Variants in NAA11 observed in about 807,000 individuals in gnomAD.
NAA11 encodes N-alpha-acetyltransferase 11.
NAA11 carries 15 observed loss-of-function variants against 16.1 expected under a neutral mutation model. That is an observed-to-expected ratio of 0.93 (90% CI 0.62 to 1.44). NAA11 has a LOEUF of 1.44. Among genes scored for constraint, NAA11 ranks in the 40% most tolerant of loss-of-function variants. NAA11 has a pLI of 0.00. For missense variants in NAA11, 298 were observed against 291.3 expected (o/e 1.02, Z -0.17); for synonymous variants, 122 against 112.4 (o/e 1.09, Z -0.54).
chr4:79,205,354 T>G, the NAA11 span, among the ~76,000 whole-genome samples: 1 of 152,004 alleles, frequency 6.6e-6, no homozygotes, highest in African/African-American at 2.4e-5. Context: ...ATTTCCTGGA[T>G]GATTCATGAT....
chr4:79,228,530 C>T (rs958003853), intron 2 of NAA11, among the ~76,000 whole-genome samples: 1 of 151,860 alleles, frequency 6.6e-6, no homozygotes, highest in African/African-American at 2.4e-5. Flanking sequence ...AACATTTTGC[C>T]TTTTCCAAAA....
intron 1 of NAA11, among the ~76,000 whole-genome samples, chr4:79,304,099 A>C (rs2110005087): frequency 6.6e-6 from 1 of 152,204 alleles, no homozygotes; most frequent in Non-Finnish European, 1.5e-5. Flanking sequence ...TTGTTAACAT[A>C]TTTGGACTAA....
chr4:79,264,075 T>G (rs1722293710), intron 2 of NAA11, among the ~76,000 whole-genome samples: 1 of 152,154 alleles, frequency 6.6e-6, no homozygotes, highest in African/African-American at 2.4e-5. Context: ...ACTTTGCATG[T>G]ATTGTCTCTT....
At chr4:79,241,629 G>A (rs1265567831) in intron 2 of NAA11, among the ~76,000 whole-genome samples, 1 of 152,194 alleles carries the variant, frequency 6.6e-6, no homozygotes, top group Non-Finnish European at 1.5e-5. Context: ...GTCTGTAAGT[G>A]ACAGCATATT....
the NAA11 span, among the ~76,000 whole-genome samples, chr4:79,190,065 CAAAA>C: frequency 2.0e-5 from 3 of 152,122 alleles, no homozygotes; most frequent in East Asian, 3.9e-4. Flanking sequence ...ACAGCAGAAA[CAAAA>C]AACCCGCACA....
the NAA11 span, among the ~76,000 whole-genome samples, chr4:79,163,044 A>G: frequency 1.3e-5 from 2 of 152,252 alleles, no homozygotes; most frequent in African/African-American, 2.4e-5. Flanking sequence ...TGCAGCTAAT[A>G]TAAGTGGTAA....
intron 2 of NAA11, chr4:79,245,539 T>C (rs1410324065): frequency 9.6e-6 from 1 of 104,358 alleles, no homozygotes; most frequent in Non-Finnish European, 1.9e-5. Flanking sequence ...GTGAGGAGCG[T>C]CTCTACCCGG....
intron 2 of NAA11, among the ~76,000 whole-genome samples, chr4:79,240,187 TTG>T (rs1721660659): frequency 1.3e-5 from 2 of 152,196 alleles, no homozygotes; most frequent in South Asian, 4.1e-4. Flanking sequence ...CCATGTATAA[TTG>T]TGTGTGATCA....
intron 2 of NAA11, among the ~76,000 whole-genome samples, chr4:79,278,113 T>C (rs1722704232): frequency 6.6e-6 from 1 of 152,066 alleles, no homozygotes; most frequent in South Asian, 2.1e-4. Context: ...CCCCATTCAA[T>C]TAGCCAGTCC....
chr4:79,288,598 A>G (rs1723004418), intron 2 of NAA11, among the ~76,000 whole-genome samples: 1 of 152,188 alleles, frequency 6.6e-6, no homozygotes, highest in Non-Finnish European at 1.5e-5. Context: ...TTTTAGAGAA[A>G]ATATGAATAA....
At chr4:79,295,256 T>G (rs1299643275) in intron 1 of NAA11, among the ~76,000 whole-genome samples, 2 of 152,200 alleles carry the variant, frequency 1.3e-5, no homozygotes, top group Non-Finnish European at 2.9e-5. Flanking sequence ...GGCTGCATGC[T>G]TTGCCTTTCA....
chr4:79,157,124 G>T, the NAA11 span, among the ~76,000 whole-genome samples: 4 of 151,872 alleles, frequency 2.6e-5, no homozygotes, highest in Admixed American at 6.6e-5. Context: ...ATTTCCATAG[G>T]TTTTTGGGGA....
At chr4:79,252,804 A>G (rs1722025377) in intron 2 of NAA11, among the ~76,000 whole-genome samples, 1 of 152,236 alleles carries the variant, frequency 6.6e-6, no homozygotes, top group Non-Finnish European at 1.5e-5. Flanking sequence ...CATATCACAC[A>G]GGTCCCTGAG....
chr4:79,252,245 A>G (rs1379063864), intron 2 of NAA11, among the ~76,000 whole-genome samples: 1 of 152,278 alleles, frequency 6.6e-6, no homozygotes, highest in East Asian at 1.9e-4. Context: ...GATGGATACT[A>G]CTACAGTGAT....
chr4:79,193,232 G>A, the NAA11 span, among the ~76,000 whole-genome samples: 2 of 152,164 alleles, frequency 1.3e-5, no homozygotes, highest in Non-Finnish European at 2.9e-5. Context: ...AGTTTAATGA[G>A]ATCCCTTTTG....
At chr4:79,176,908 T>C in the NAA11 span, among the ~76,000 whole-genome samples, 1 of 152,138 alleles carries the variant, frequency 6.6e-6, no homozygotes, top group Non-Finnish European at 1.5e-5. Flanking sequence ...AATCAGGAAG[T>C]CCTCCACTGT....
At chr4:79,306,118 G>GA (rs771437530) in intron 1 of NAA11, among the ~76,000 whole-genome samples, 20 of 152,170 alleles carry the variant, frequency 1.3e-4, no homozygotes, top group South Asian at 4.1e-4. Flanking sequence ...TTTCCATATG[G>GA]AATCAATGAA....
chr4:79,258,450 T>C (rs1722173055), intron 2 of NAA11, among the ~76,000 whole-genome samples: 1 of 152,244 alleles, frequency 6.6e-6, no homozygotes, highest in Non-Finnish European at 1.5e-5. Context: ...AAGTCGGAGC[T>C]GAGCCCAGGT....
chr4:79,172,016 A>C, the NAA11 span, among the ~76,000 whole-genome samples: 1 of 152,156 alleles, frequency 6.6e-6, no homozygotes, highest in Non-Finnish European at 1.5e-5. Context: ...TAGGTTCAGA[A>C]ACTTAGGACA....
Sources: gnomAD v4.1 joint callset for allele counts (sites outside exome capture counted in the v4.1 genomes callset) on GRCh38, gnomAD v4.1.1 for gene constraint, MANE v1.5 for transcripts, NCBI Gene and HGNC (gene_info 2026-07-23, HGNC 2026-07-21) for gene names.